Variants in NEDD4 observed in about 807,000 individuals in gnomAD.
The protein encoded by NEDD4 is NEDD4 E3 ubiquitin protein ligase.
A neutral mutation model predicts 144.9 loss-of-function variants in NEDD4; 99 were observed. That is an observed-to-expected ratio of 0.68 (90% confidence interval 0.58 to 0.81). The LOEUF (loss-of-function observed/expected upper bound fraction) is 0.81. NEDD4 is among the 30% of genes least tolerant of loss of function. The pLI is 0.00. For missense variants in NEDD4, 985 were observed against 1,065.9 expected, an observed-to-expected ratio of 0.92 and a Z score of 1.06; for synonymous variants, 318 against 350.6, an observed-to-expected ratio of 0.91 and a Z score of 1.04.
intron 5 of NEDD4, among the ~76,000 whole-genome samples, chr15:55,912,299 A>C (rs757753009): frequency 6.6e-6 from 1 of 152,178 alleles, no homozygotes; most frequent in Non-Finnish European, 1.5e-5. Context: ...GAACAATAAA[A>C]TAAGAAAATA....
At chr15:55,963,775 T>C (rs2142324795) in intron 2 of NEDD4, among the ~76,000 whole-genome samples, 1 of 152,350 alleles carries the variant, frequency 6.6e-6, no homozygotes, top group African/African-American at 2.4e-5. Context: ...TTCAATTTTC[T>C]TCAGCTGAAA....
intron 4 of NEDD4, among the ~76,000 whole-genome samples, chr15:55,932,529 T>G (rs2036802951): frequency 6.6e-6 from 1 of 152,044 alleles, no homozygotes; most frequent in Non-Finnish European, 1.5e-5. Context: ...CAAGATGGAT[T>G]AAAGACTTAA....
At chr15:55,940,518 T>TCTCTCTCTCTCTCTCTCTCTCTCTCTCTC (rs2036978544) in intron 4 of NEDD4, among the ~76,000 whole-genome samples, 7 of 106,266 alleles carry the variant, frequency 6.6e-5, no homozygotes, top group Admixed American at 9.6e-5. Flanking sequence ...CTCCTCCCCC[T>TCTCTCTCTCTCTCTCTCTCTCTCTCTCTC]TCTCTCTCTC....
At chr15:55,907,578 A>C (rs1163787302) in intron 5 of NEDD4, among the ~76,000 whole-genome samples, 2 of 152,204 alleles carry the variant, frequency 1.3e-5, no homozygotes, top group Non-Finnish European at 2.9e-5. Flanking sequence ...ATACTTGTTA[A>C]ACTCATTTGC....
At chr15:55,979,378 G>A (rs1367912842) in intron 1 of NEDD4, among the ~76,000 whole-genome samples, 13 of 110,230 alleles carry the variant, frequency 1.2e-4, no homozygotes, top group African/African-American at 4.3e-4. Context: ...ACGGAGTCTC[G>A]CTCTGTCGCC....
chr15:55,907,822 A>G (rs1402022588), intron 5 of NEDD4, among the ~76,000 whole-genome samples: 1 of 152,174 alleles, frequency 6.6e-6, no homozygotes. Context: ...ACCCTTAAAG[A>G]TCTTTGTCCA....
rs113375036 is a variant in NEDD4 at position 55,882,860 on chromosome 15, G to A, written c.292-8852C>T. Among the ~76,000 whole-genome samples, 2 of 152,334 alleles carry A rather than the reference G, an allele frequency of 1.3e-5. 1 individual carries two copies. Among genetic ancestry groups the A allele is most frequent in the African/African-American group, 4.8e-5 (2 of 41,566 alleles). On this transcript the variant is annotated intron_variant, in intron 5 of 28. Coordinates refer to ENST00000435532, the MANE Select transcript of NEDD4 (RefSeq NM_006154.4). ...TAGGCTAGGACACTTGCTGACTGAA[G>A]AGCCTTAGGTCCTGAATAATCAGCA...
chr15:55,968,188 T>TAG (rs2037548829), intron 1 of NEDD4, among the ~76,000 whole-genome samples: 1 of 152,046 alleles, frequency 6.6e-6, no homozygotes, highest in Non-Finnish European at 1.5e-5. Flanking sequence ...CCAAAATTCA[T>TAG]AGAGAGGAGT....
chr15:55,985,452 G>A (rs963679235), intron 1 of NEDD4, among the ~76,000 whole-genome samples: 1 of 152,216 alleles, frequency 6.6e-6, no homozygotes, highest in Non-Finnish European at 1.5e-5. Context: ...ATGCTGCATA[G>A]AGAATAGCAA....
intron 4 of NEDD4, among the ~76,000 whole-genome samples, chr15:55,944,958 A>T (rs1242887548): frequency 6.6e-6 from 1 of 152,210 alleles, no homozygotes. Context: ...ACAAAGGAAT[A>T]GCATCAACAT....
chr15:55,876,934 G>A (rs973011586), intron 5 of NEDD4, among the ~76,000 whole-genome samples: 2 of 150,694 alleles, frequency 1.3e-5, no homozygotes, highest in Non-Finnish European at 2.9e-5. Context: ...CAAACTCCTG[G>A]GCTCAAGCGA....
At position 55,951,403 on chromosome 15, in the gene NEDD4, T is replaced by A; in HGVS notation, c.210A>T (p.Pro70=). The part of the protein sequence containing the change: ...QTKTIKKSLN[P]KWNEEILFRV... ...TGAATAATATTTCTTCATTCCACTTTGGATTCAAACTCTAAAAAATAATAA... is the reference window on the plus strand; with the variant it reads ...TGAATAATATTTCTTCATTCCACTTAGGATTCAAACTCTAAAAAATAATAA... Residue 70 remains proline, a synonymous_variant, in exon 4 of 29, where the codon CCA becomes CCT. Coordinates refer to ENST00000435532, the MANE Select transcript of NEDD4 (RefSeq NM_006154.4). 2.9e-6 allele frequency: 3 copies of A among 1,031,350 alleles called. No individual in the cohort carries two copies. Among genetic ancestry groups the A allele is most frequent in the Non-Finnish European group, 4.2e-6 (3 of 710,314 alleles). 63.9% of individuals were successfully genotyped at this position (1,031,350 alleles called of 1,614,324 possible).
chr15:55,963,666 G>C (rs1424272260), intron 2 of NEDD4, among the ~76,000 whole-genome samples: 3 of 152,042 alleles, frequency 2.0e-5, no homozygotes, highest in Admixed American at 2.0e-4. Flanking sequence ...ATTTTAAAAA[G>C]GTATGATGAG....
intron 8 of NEDD4, among the ~76,000 whole-genome samples, chr15:55,866,220 C>CT (rs199861047): frequency 0.093 from 13,747 of 147,362 alleles, 694 homozygotes; most frequent in Middle Eastern, 0.16. Flanking sequence ...AACCTTTCTT[C>CT]TTTTTTTTTT....
chr15:55,834,345 T>G, intron 24 of NEDD4, 59 bp from the exon 25 acceptor site: 1 of 1,085,312 alleles, frequency 9.2e-7, no homozygotes, highest in Non-Finnish European at 1.4e-6. Flanking sequence ...TTCCTATGCC[T>G]CAGCTTCTGG....
intron 11 of NEDD4, among the ~76,000 whole-genome samples, chr15:55,859,490 T>A (rs948087905): frequency 6.6e-6 from 1 of 152,152 alleles, no homozygotes; most frequent in Admixed American, 6.5e-5. Flanking sequence ...GGCCAGGAGT[T>A]CAAGACTAGC....
intron 4 of NEDD4, among the ~76,000 whole-genome samples, chr15:55,950,942 C>T (rs1264682686): frequency 6.6e-6 from 1 of 152,158 alleles, no homozygotes; most frequent in Non-Finnish European, 1.5e-5. Flanking sequence ...TTGGAAATAA[C>T]TGCTGATTGG....
intron 5 of NEDD4, chr15:55,915,283 C>A: frequency 1.3e-6 from 2 of 1,554,026 alleles, no homozygotes; most frequent in Non-Finnish European, 1.7e-6. Context: ...AGGAAACTTA[C>A]CTTGCAAGAA....
chr15:55,859,181 A>G (rs1292010599), intron 11 of NEDD4, among the ~76,000 whole-genome samples: 2 of 152,214 alleles, frequency 1.3e-5, no homozygotes, highest in Admixed American at 1.3e-4. Context: ...TCAGAGAATA[A>G]TCTTTGTCTT....
Sources: gnomAD v4.1 joint callset for allele counts (sites outside exome capture counted in the v4.1 genomes callset) on GRCh38, gnomAD v4.1.1 for gene constraint, MANE v1.5 for transcripts, NCBI Gene and HGNC (gene_info 2026-07-23, HGNC 2026-07-21) for gene names.